The following RGS5 variants were observed in gnomAD, a reference collection of about 807,000 sequenced individuals.
The protein encoded by RGS5 is regulator of G protein signaling 5.
In RGS5, 20 loss-of-function variants were observed where a neutral mutation model predicts 18.9. That is an observed-to-expected ratio of 1.06 (90% confidence interval 0.74 to 1.54). The LOEUF is 1.54. RGS5 is among the 40% of genes most tolerant of loss of function. The pLI, the probability that RGS5 is intolerant of heterozygous loss-of-function variation, is 0.00. For missense variants in RGS5, 201 were observed against 211.8 expected (o/e 0.95, Z 0.32); for synonymous variants, 57 against 76.2 (o/e 0.75, Z 1.31).
At chr1:163,160,912 C>T (rs1657772358) in intron 3 of RGS5, among the ~76,000 whole-genome samples, 1 of 152,126 alleles carries the variant, frequency 6.6e-6, no homozygotes, top group South Asian at 2.1e-4. Flanking sequence ...TTGAAATTAT[C>T]TACATGAAAA....
chr1:163,237,312 C>A, intron 2 of RGS5: 1 of 155,628 alleles, frequency 6.4e-6, no homozygotes, highest in South Asian at 1.9e-4. Context: ...AAGTGGCAGT[C>A]TCCAGAATTC....
intron 3 of RGS5, among the ~76,000 whole-genome samples, chr1:163,154,484 T>A (rs1272359644): frequency 1.3e-5 from 2 of 152,110 alleles, no homozygotes. Context: ...CCTAAATACA[T>A]TTTTAATTGA....
At chr1:163,261,205 C>T (rs1348797105) in intron 2 of RGS5, among the ~76,000 whole-genome samples, 1 of 152,136 alleles carries the variant, frequency 6.6e-6, no homozygotes, top group African/African-American at 2.4e-5. Flanking sequence ...CTTATATAGG[C>T]CAAGACTAGT....
At chr1:163,219,578 G>T (rs1242978758), upstream of RGS5, among the ~76,000 whole-genome samples, 1 of 152,124 alleles carries the variant, frequency 6.6e-6, no homozygotes, top group Non-Finnish European at 1.5e-5. Flanking sequence ...TCTCATGAGT[G>T]TACAGTGGAG....
chr1:163,160,187 G>T (rs774240255), intron 3 of RGS5, among the ~76,000 whole-genome samples: 109 of 152,036 alleles, frequency 7.2e-4, no homozygotes, highest in Non-Finnish European at 5.3e-4. Flanking sequence ...TTATATATGG[G>T]CACATAAATA....
intron 2 of RGS5, among the ~76,000 whole-genome samples, chr1:163,282,241 C>A (rs1649014030): frequency 6.6e-6 from 1 of 151,936 alleles, no homozygotes; most frequent in Non-Finnish European, 1.5e-5. Flanking sequence ...CAACAGCAAA[C>A]AAACAAATAA....
chr1:163,154,582 A>G (rs991303092), intron 3 of RGS5, among the ~76,000 whole-genome samples: 2 of 150,548 alleles, frequency 1.3e-5, no homozygotes, highest in African/African-American at 2.4e-5. Flanking sequence ...GAAAACAAGG[A>G]AAAAAAAACC....
intron 1 of RGS5, among the ~76,000 whole-genome samples, chr1:163,187,915 T>G (rs1659162314): frequency 6.6e-6 from 1 of 152,094 alleles, no homozygotes; most frequent in East Asian, 1.9e-4. Flanking sequence ...GACTGAGCCC[T>G]CAACCTGTGG....
intron 1 of RGS5, among the ~76,000 whole-genome samples, chr1:163,214,560 C>T (rs1260264259): frequency 1.3e-5 from 2 of 152,080 alleles, no homozygotes; most frequent in African/African-American, 2.4e-5. Flanking sequence ...TCCATGATCA[C>T]ACAACCATGC....
At chr1:163,223,947 G>A (rs1474699970) in intron 2 of RGS5, among the ~76,000 whole-genome samples, 1 of 151,968 alleles carries the variant, frequency 6.6e-6, no homozygotes, top group Non-Finnish European at 1.5e-5. Context: ...CATAATAATC[G>A]TACATATTTA....
At chr1:163,162,783 C>T (rs1657861562) in intron 2 of RGS5, 1 of 152,138 alleles carries the variant, frequency 6.6e-6, no homozygotes, top group African/African-American at 2.4e-5. Context: ...TTTTCTCTCA[C>T]AGCAGGATGT....
intron 1 of RGS5, among the ~76,000 whole-genome samples, chr1:163,195,908 G>A (rs1427224410): frequency 6.6e-6 from 1 of 152,118 alleles, no homozygotes; most frequent in East Asian, 1.9e-4. Flanking sequence ...GAAGTTCAGA[G>A]AGGTTTGGTG....
chr1:163,310,122 A>T (rs529639391), intron 1 of RGS5, among the ~76,000 whole-genome samples: 1 of 152,354 alleles, frequency 6.6e-6, no homozygotes, highest in Admixed American at 6.5e-5. Flanking sequence ...CCATTGACAG[A>T]GTAGAGGCCG....
rs1177420242 is a variant in RGS5 at position 163,143,487 on chromosome 1, T to A, written c.*3855A>T. Reference sequence around the variant, plus strand: ...CTTTCTAGGATGATAAAATAAAATTTTACATCTAGCTGCATTGCAAGTCAG... The same window carrying A: ...CTTTCTAGGATGATAAAATAAAATTATACATCTAGCTGCATTGCAAGTCAG... On this transcript the variant is annotated 3_prime_UTR_variant, in exon 5 of 5. Coordinates refer to ENST00000313961, the MANE Select transcript of RGS5 (RefSeq NM_003617.4). 6.6e-6 allele frequency: 1 copy of A among 152,162 alleles called. No individual in the cohort carries two copies. The highest frequency in any genetic ancestry group is 1.5e-5 in the Non-Finnish European group (1 of 68,018). The allele number at this position is 152,162 out of a possible 1,614,324, so 9.4% of individuals were successfully genotyped here. A position where few individuals can be genotyped will look rare whatever the true frequency, so the allele number is the denominator to read the frequency against.
At chr1:163,153,591 T>C (rs1313510869) in intron 3 of RGS5, among the ~76,000 whole-genome samples, 1 of 151,938 alleles carries the variant, frequency 6.6e-6, no homozygotes, top group Non-Finnish European at 1.5e-5. Context: ...CAATTGCTCA[T>C]GTAGGATAAA....
intron 1 of RGS5, among the ~76,000 whole-genome samples, chr1:163,196,529 G>C (rs1031527565): frequency 1.3e-5 from 2 of 152,106 alleles, no homozygotes; most frequent in African/African-American, 4.8e-5. Context: ...GCATAACCCA[G>C]ACTAAATGAA....
chr1:163,266,146 A>G (rs2101708920), intron 2 of RGS5, among the ~76,000 whole-genome samples: 1 of 152,088 alleles, frequency 6.6e-6, no homozygotes, highest in Middle Eastern at 3.4e-3. Context: ...TCCTGTTTTT[A>G]TTACAACCCC....
At chr1:163,183,391 T>C (rs73024775) in intron 1 of RGS5, among the ~76,000 whole-genome samples, 31,700 of 152,190 alleles carry the variant, frequency 0.21, 3,735 homozygotes, top group African/African-American at 0.32. Context: ...CTGGATGCTA[T>C]GGGGTTGTTT....
In RGS5 at chr1:163,202,659, A is replaced by T; in HGVS notation, c.44+133T>A. The T allele has an allele frequency of 1.0e-5, 7 of 670,296 alleles. 2 individuals carry two copies. The South Asian group carries it at 1.4e-4, about 13-fold the overall frequency. 41.5% of individuals were successfully genotyped at this position (670,296 alleles called of 1,614,324 possible). Reference sequence around the variant, plus strand: ...TGTTTACAGAGAAGAGATAATACCCAATCTACAGTCAAGCACCTGTTTCAC... The same window carrying T: ...TGTTTACAGAGAAGAGATAATACCCTATCTACAGTCAAGCACCTGTTTCAC... On this transcript the variant is annotated intron_variant, in intron 1 of 4. Coordinates refer to ENST00000313961, the MANE Select transcript of RGS5 (RefSeq NM_003617.4).
Sources: allele counts gnomAD v4.1 joint callset (sites outside exome capture counted in the v4.1 genomes callset), GRCh38; gene constraint gnomAD v4.1.1; transcripts MANE v1.5; gene names NCBI Gene and HGNC (gene_info 2026-07-23, HGNC 2026-07-21).